The following DPP10 variants were observed in gnomAD, a reference collection of about 807,000 sequenced individuals.
The protein encoded by DPP10 is dipeptidyl peptidase like 10.
Under a neutral mutation model 120.9 loss-of-function variants are expected in DPP10, and 33 were observed. The observed-to-expected ratio is 0.27, with a 90% CI of 0.21 to 0.37. The LOEUF (loss-of-function observed/expected upper bound fraction) is 0.37, where lower values mean the gene tolerates loss of function less well. Ranked by LOEUF, DPP10 falls within the 10% of genes least tolerant of loss-of-function variation. The pLI is 1.00. For missense variants in DPP10, 816 were observed against 942.8 expected (o/e 0.87, Z 1.76); for synonymous variants, 337 against 326.1 (o/e 1.03, Z -0.36).
At chr2:115,209,794 G>T (rs997620718) in intron 1 of DPP10, among the ~76,000 whole-genome samples, 2 of 152,060 alleles carry the variant, frequency 1.3e-5, no homozygotes, top group Admixed American at 1.3e-4. Flanking sequence ...ATCAGCTCTG[G>T]CAGAGACAAG....
Position 114,933,087 on chromosome 2 carries a change from T to TA in DPP10, c.61-376144dup, listed in dbSNP as rs200362441. ...GTCTCATTTATTCATCCTCTTTTTT[T>TA]AAAAAAAACTTACACTATGAACAAA... On this transcript the variant is annotated intron_variant, in intron 1 of 25. Transcript: ENST00000410059. 4.9e-3 allele frequency among the ~76,000 whole-genome samples: 751 copies of TA among 152,030 alleles called. 8 individuals are homozygous for TA. The highest frequency in any genetic ancestry group is 0.017 in the African/African-American group (703 of 41,500).
At chr2:114,644,454 C>T (rs1695967728) in intron 1 of DPP10, among the ~76,000 whole-genome samples, 1 of 151,622 alleles carries the variant, frequency 6.6e-6, no homozygotes, top group South Asian at 2.1e-4. Context: ...TATTACAAAA[C>T]TCCTCTCTCT....
At chr2:114,655,002 G>C (rs1696867125) in intron 1 of DPP10, among the ~76,000 whole-genome samples, 1 of 152,110 alleles carries the variant, frequency 6.6e-6, no homozygotes, top group African/African-American at 2.4e-5. Flanking sequence ...TGTATTCTTT[G>C]ACTTAGCATT....
intron 5 of DPP10, among the ~76,000 whole-genome samples, chr2:115,683,810 C>T (rs1415554328): frequency 6.6e-6 from 1 of 151,916 alleles, no homozygotes; most frequent in Non-Finnish European, 1.5e-5. Flanking sequence ...CGTGATTCCT[C>T]TATGTTGTAT....
At chr2:115,422,748 G>A (rs577582708) in intron 3 of DPP10, among the ~76,000 whole-genome samples, 2 of 152,200 alleles carry the variant, frequency 1.3e-5, no homozygotes, top group Admixed American at 6.5e-5. Flanking sequence ...GTTAATTTAA[G>A]GATGAAATAA....
At chr2:114,498,878 T>C (rs941853841) in intron 1 of DPP10, among the ~76,000 whole-genome samples, 1 of 152,152 alleles carries the variant, frequency 6.6e-6, no homozygotes, top group African/African-American at 2.4e-5. Flanking sequence ...TTCACAATAG[T>C]CAAGACATGG....
chr2:114,579,217 G>C (rs1690294216), intron 1 of DPP10, among the ~76,000 whole-genome samples: 1 of 152,206 alleles, frequency 6.6e-6, no homozygotes, highest in African/African-American at 2.4e-5. Flanking sequence ...TTGCAATTTT[G>C]AGGGGCACTG....
chr2:115,837,744 A>G (rs1451287752), intron 24 of DPP10, among the ~76,000 whole-genome samples: 1 of 152,132 alleles, frequency 6.6e-6, no homozygotes, highest in Non-Finnish European at 1.5e-5. Flanking sequence ...GCCCATACAT[A>G]ACACCAGTCT....
chr2:115,530,366 G>A (rs2078388104), intron 5 of DPP10, among the ~76,000 whole-genome samples: 1 of 152,000 alleles, frequency 6.6e-6, no homozygotes. Context: ...CATATATATG[G>A]TAGTTTCAAA....
At chr2:114,844,469 T>C (rs1283570469) in intron 1 of DPP10, among the ~76,000 whole-genome samples, 2 of 151,594 alleles carry the variant, frequency 1.3e-5, no homozygotes, top group Non-Finnish European at 2.9e-5. Context: ...GTTGAGAAAT[T>C]CCCTTTTTGT....
chr2:114,871,735 C>G (rs1690704484), intron 1 of DPP10, among the ~76,000 whole-genome samples: 1 of 152,142 alleles, frequency 6.6e-6, no homozygotes, highest in African/African-American at 2.4e-5. Context: ...ACCCCCAGGC[C>G]ATGGACCAGA....
chr2:114,480,297 G>T (rs910243079), intron 1 of DPP10, among the ~76,000 whole-genome samples: 1 of 151,942 alleles, frequency 6.6e-6, no homozygotes, highest in Non-Finnish European at 1.5e-5. Flanking sequence ...AGTCAGTGTG[G>T]TGATTCCTCA....
intron 1 of DPP10, among the ~76,000 whole-genome samples, chr2:115,283,880 A>C (rs778895622): frequency 6.6e-6 from 1 of 152,038 alleles, no homozygotes; most frequent in Non-Finnish European, 1.5e-5. Flanking sequence ...TTAGTACAGT[A>C]ACATTCACAG....
At chr2:115,633,478 G>A (rs986985136) in intron 5 of DPP10, among the ~76,000 whole-genome samples, 3 of 152,082 alleles carry the variant, frequency 2.0e-5, no homozygotes, top group African/African-American at 7.2e-5. Flanking sequence ...TATACCTAAT[G>A]TAAATGACGA....
Position 114,848,736 on chromosome 2 carries a change from G to A in DPP10, c.60+405898G>A, listed in dbSNP as rs553556921. The stretch of plus-strand genomic sequence containing the variant: ...GATTCAAGGGAAATTGAGAAGGTAT[G>A]TGTTTCAAAGGAATAGGTCAGAAAG... On this transcript the variant is annotated intron_variant, in intron 1 of 25. Transcript: ENST00000410059. 4.6e-5 allele frequency among the ~76,000 whole-genome samples: 7 copies of A among 152,338 alleles called. No homozygotes were observed. The East Asian group carries it at 9.6e-4, about 21-fold the overall frequency.
At chr2:115,277,290 G>A (rs2059957622) in intron 1 of DPP10, among the ~76,000 whole-genome samples, 1 of 152,034 alleles carries the variant, frequency 6.6e-6, no homozygotes, top group African/African-American at 2.4e-5. Context: ...CTGCAAACTA[G>A]GCAGGCAGTC....
intron 1 of DPP10, among the ~76,000 whole-genome samples, chr2:114,888,158 A>T (rs909205493): frequency 1.3e-5 from 2 of 151,690 alleles, no homozygotes; most frequent in Admixed American, 1.3e-4. Flanking sequence ...AAAAAAAAAA[A>T]AAGAAAAGAA....
intron 3 of DPP10, among the ~76,000 whole-genome samples, chr2:115,476,752 T>C (rs911033619): frequency 6.6e-6 from 1 of 152,148 alleles, no homozygotes; most frequent in African/African-American, 2.4e-5. Context: ...GTGTTAATAC[T>C]GTTACAGAAA....
intron 4 of DPP10, among the ~76,000 whole-genome samples, chr2:115,514,795 A>C (rs1037426334): frequency 6.6e-6 from 1 of 151,906 alleles, no homozygotes; most frequent in Non-Finnish European, 1.5e-5. Flanking sequence ...GAACTGTTGC[A>C]GATGTATATA....
Sources: gnomAD v4.1 joint callset for allele counts (sites outside exome capture counted in the v4.1 genomes callset) on GRCh38, gnomAD v4.1.1 for gene constraint, MANE v1.5 for transcripts, NCBI Gene and HGNC (gene_info 2026-07-23, HGNC 2026-07-21) for gene names.